The following SULT1E1 variants were observed in gnomAD, a reference collection of about 807,000 sequenced individuals.
SULT1E1 encodes the protein sulfotransferase family 1E member 1.
A neutral mutation model predicts 33.6 loss-of-function variants in SULT1E1; 36 were observed. That is an observed-to-expected ratio of 1.07 (90% CI 0.82 to 1.41). The LOEUF is 1.41. Among genes scored for constraint, SULT1E1 ranks in the 40% most tolerant of loss-of-function variants. The probability of loss-of-function intolerance (pLI) is 0.00; values close to 1 mark genes in which losing one functional copy is unlikely to be tolerated. For synonymous variants in SULT1E1, 121 were observed against 111.7 expected, an observed-to-expected ratio of 1.08 and a Z score of -0.53; for missense variants, 371 against 345.7, an observed-to-expected ratio of 1.07 and a Z score of -0.58.
Position 69,841,857 on chromosome 4 carries a change from AGTTAAAC to A in SULT1E1, c.*130_*136del. The A allele has an allele frequency of 5.6e-6, 3 of 539,590 alleles. No individual in the cohort carries two copies. Among genetic ancestry groups the A allele is most frequent in the Non-Finnish European group, 9.4e-6 (3 of 318,850 alleles). 33.4% of individuals were successfully genotyped at this position (539,590 alleles called of 1,614,324 possible). On this transcript the variant is annotated 3_prime_UTR_variant, in exon 8 of 8. Transcript: ENST00000226444. ...CTCTGTCTCAAAAAAAAAAAAAAAA[AGTTAAAC>A]AAAAATTTAAAAAGAAAATGTCAAC... is the stretch of plus-strand genomic sequence containing the variant.
chr4:69,846,341 A>T (rs1720977525), intron 6 of SULT1E1, among the ~76,000 whole-genome samples: 1 of 149,738 alleles, frequency 6.7e-6, no homozygotes, highest in African/African-American at 2.4e-5. Context: ...AAGGAAAAAA[A>T]CTGCTAATTT....
intron 4 of SULT1E1, among the ~76,000 whole-genome samples, chr4:69,849,791 T>C (rs929379051): frequency 6.6e-6 from 1 of 152,032 alleles, no homozygotes; most frequent in Non-Finnish European, 1.5e-5. Context: ...AGAACAACAT[T>C]ATTATGCCAT....
At chr4:69,858,963 T>A (rs1468582260) in intron 1 of SULT1E1, among the ~76,000 whole-genome samples, 1 of 152,130 alleles carries the variant, frequency 6.6e-6, no homozygotes, top group South Asian at 2.1e-4. Flanking sequence ...TACTCCTTCA[T>A]AGTCAATTTT....
chr4:69,845,816 T>C (rs937087149), intron 6 of SULT1E1, among the ~76,000 whole-genome samples: 2 of 151,216 alleles, frequency 1.3e-5, no homozygotes, highest in Non-Finnish European at 3.0e-5. Flanking sequence ...TTCAATGTCA[T>C]TAATAGTCTA....
At chr4:69,834,249 T>C in the SULT1E1 span, among the ~76,000 whole-genome samples, 1 of 152,196 alleles carries the variant, frequency 6.6e-6, no homozygotes, top group Non-Finnish European at 1.5e-5. Context: ...ACATCTTCCT[T>C]AGATATCTCA....
intron 2 of SULT1E1, among the ~76,000 whole-genome samples, chr4:69,855,838 T>C (rs113545183): frequency 1.6e-4 from 24 of 152,350 alleles, no homozygotes; most frequent in African/African-American, 5.3e-4. Context: ...AGGATAAATC[T>C]GGTTCCTGTC....
the SULT1E1 span, among the ~76,000 whole-genome samples, chr4:69,834,895 A>G: frequency 6.6e-6 from 1 of 152,094 alleles, no homozygotes; most frequent in Admixed American, 6.6e-5. Flanking sequence ...TTTTCTGACA[A>G]CATGGATCCT....
intron 2 of SULT1E1, 53 bp from the exon 3 acceptor site, chr4:69,855,479 C>T: frequency 1.3e-6 from 2 of 1,538,138 alleles, no homozygotes; most frequent in African/African-American, 1.4e-5. Flanking sequence ...GAGTTGATGA[C>T]ATTAGTGCTG....
At chr4:69,847,442 T>C (rs1219765826) in intron 6 of SULT1E1, among the ~76,000 whole-genome samples, 1 of 151,536 alleles carries the variant, frequency 6.6e-6, no homozygotes, top group Non-Finnish European at 1.5e-5. Flanking sequence ...TATTGATTCA[T>C]GAAGTCAAGT....
In SULT1E1 at chr4:69,841,385, A is replaced by G. The variant is rs1560553088; in HGVS notation, c.*609T>C. ...TTAAGAGATGATAGTAGGAAAAAAA[A>G]GTTTCTTATTTCTCATATGCATGTA... On this transcript the variant is annotated 3_prime_UTR_variant, in exon 8 of 8. Coordinates refer to ENST00000226444, the MANE Select transcript of SULT1E1 (RefSeq NM_005420.3). The G allele has an allele frequency of 6.6e-6, 1 of 152,138 alleles. No homozygotes were observed. The highest frequency in any genetic ancestry group is 1.9e-4 in the East Asian group (1 of 5,168). The allele number at this position is 152,138 out of a possible 1,614,324, so 9.4% of individuals were successfully genotyped here.
the SULT1E1 span, among the ~76,000 whole-genome samples, chr4:69,823,832 CA>C: frequency 6.6e-6 from 1 of 152,030 alleles, no homozygotes; most frequent in Non-Finnish European, 1.5e-5. Context: ...CTACTGAGTC[CA>C]AAGTCACTAC....
chr4:69,839,155 G>A (rs972451459), downstream of SULT1E1, among the ~76,000 whole-genome samples: 2 of 152,158 alleles, frequency 1.3e-5, no homozygotes, highest in Non-Finnish European at 2.9e-5. Context: ...ACTTCCTAGT[G>A]TTGACAGAAT....
chr4:69,847,567 G>T, intron 6 of SULT1E1, 131 bp downstream of exon 6: 1 of 508,968 alleles, frequency 2.0e-6, no homozygotes, highest in South Asian at 3.3e-5. Flanking sequence ...TATTATTTTG[G>T]TCCTTTCCTT....
chr4:69,857,416 G>T, intron 2 of SULT1E1, 84 bp downstream of exon 2: 1 of 1,466,894 alleles, frequency 6.8e-7, no homozygotes, highest in Non-Finnish European at 9.1e-7. Flanking sequence ...GAGAATGAGT[G>T]TGTACGACAT....
At chr4:69,837,862 C>T (rs186432233), downstream of SULT1E1, among the ~76,000 whole-genome samples, 5 of 152,254 alleles carry the variant, frequency 3.3e-5, no homozygotes, top group Admixed American at 2.0e-4. Context: ...GGTATCATTA[C>T]CATTACTAGG....
intron 4 of SULT1E1, among the ~76,000 whole-genome samples, chr4:69,852,726 C>T (rs1301816002): frequency 6.6e-6 from 1 of 151,896 alleles, no homozygotes; most frequent in Non-Finnish European, 1.5e-5. Flanking sequence ...TGTAAATAAC[C>T]CTGGAAATAC....
chr4:69,847,903 A>T (rs924086386), intron 5 of SULT1E1, 111 bp from the exon 6 acceptor site: 1 of 581,482 alleles, frequency 1.7e-6, no homozygotes, highest in Admixed American at 3.2e-5. Context: ...TAATCATGAA[A>T]TTAGAATAGA....
the SULT1E1 span, among the ~76,000 whole-genome samples, chr4:69,827,934 G>T: frequency 6.6e-6 from 1 of 152,160 alleles, no homozygotes; most frequent in African/African-American, 2.4e-5. Context: ...TGTCTGCTAT[G>T]CCAACCCCTC....
chr4:69,834,157 G>A, the SULT1E1 span, among the ~76,000 whole-genome samples: 1 of 152,060 alleles, frequency 6.6e-6, no homozygotes, highest in African/African-American at 2.4e-5. Context: ...CTTCTTTTCT[G>A]ATAATGCTAC....
Sources: gnomAD v4.1 joint callset for allele counts (sites outside exome capture counted in the v4.1 genomes callset) on GRCh38, gnomAD v4.1.1 for gene constraint, MANE v1.5 for transcripts, NCBI Gene and HGNC (gene_info 2026-07-23, HGNC 2026-07-21) for gene names.